Variants in ARHGEF28 observed in about 807,000 individuals in gnomAD.
The protein encoded by ARHGEF28 is 190 kDa guanine nucleotide exchange factor.
Under a neutral mutation model 206.6 loss-of-function variants are expected in ARHGEF28, and 152 were observed. The observed-to-expected ratio is 0.74, with a 90% confidence interval of 0.64 to 0.84. The LOEUF (loss-of-function observed/expected upper bound fraction) is 0.84, where lower values mean the gene tolerates loss of function less well. ARHGEF28 is among the 40% of genes least tolerant of loss of function. ARHGEF28 has a pLI of 0.00. For missense variants in ARHGEF28, 2,028 were observed against 2,073.2 expected, an observed-to-expected ratio of 0.98 and a Z score of 0.42; for synonymous variants, 763 against 776.4, an observed-to-expected ratio of 0.98 and a Z score of 0.29.
intron 6 of ARHGEF28, among the ~76,000 whole-genome samples, chr5:73,778,646 C>T (rs908203024): frequency 7.2e-5 from 11 of 152,148 alleles, no homozygotes; most frequent in African/African-American, 1.9e-4. Context: ...TTATGGCTTC[C>T]GAAGACCTTA....
At chr5:73,901,467 C>G in intron 31 of ARHGEF28, 183 bp downstream of exon 31, 1 of 478,462 alleles carries the variant, frequency 2.1e-6, no homozygotes, top group South Asian at 2.2e-5. Flanking sequence ...CTTGCACTGC[C>G]TGTGTCATGT....
intron 1 of ARHGEF28, among the ~76,000 whole-genome samples, chr5:73,669,809 C>A (rs1390925700): frequency 6.6e-6 from 1 of 152,176 alleles, no homozygotes; most frequent in Non-Finnish European, 1.5e-5. Flanking sequence ...GACTCAGCCT[C>A]CCGAGTAGCT....
rs375297750 is a variant in ARHGEF28 at position 73,774,030 on chromosome 5, C to T, written c.651C>T (p.Asp217=). Residue 217 remains aspartate (D), a synonymous_variant, in exon 5 of 36, where the codon GAC becomes GAT. Coordinates refer to ENST00000513042, the MANE Select transcript of ARHGEF28 (RefSeq NM_001177693.2). ...LREGHSKLVE[D]VTNFQGRWSP... The stretch of plus-strand genomic sequence containing the variant: ...AAGGACACTCCAAGCTGGTGGAAGA[C>T]GTCACAAAGTGAGTTTAGCTACTTG... 73 of 1,589,568 alleles carry T rather than the reference C, an allele frequency of 4.6e-5. No individual in the cohort carries two copies. The African/African-American group carries it at 5.0e-4, about 11-fold the overall frequency.
At chr5:73,692,994 G>A (rs770721687) in intron 2 of ARHGEF28, among the ~76,000 whole-genome samples, 9 of 152,158 alleles carry the variant, frequency 5.9e-5, no homozygotes, top group Non-Finnish European at 1.2e-4. Context: ...GGCATCTTGG[G>A]GACCTTTGCC....
rs1392018771 is a variant in ARHGEF28 at position 73,774,104 on chromosome 5, T to C, written c.659+66T>C. ...AAGTCGGCCAAGCATTATAGAAAAA[T>C]GGAAATAACCAAACCACAAGCTAAT... On this transcript the variant is annotated intron_variant, in intron 5 of 35. Transcript: ENST00000513042. 6.3e-6 allele frequency: 9 copies of C among 1,420,198 alleles called. No homozygotes were observed. In the Admixed American group the frequency reaches 2.3e-4, roughly 37 times the overall value. The allele number at this position is 1,420,198 out of a possible 1,614,324, so 88.0% of individuals were successfully genotyped here. A position where few individuals can be genotyped will look rare whatever the true frequency, so the allele number is the denominator to read the frequency against.
At chr5:73,767,649 G>A (rs909898470) in intron 4 of ARHGEF28, among the ~76,000 whole-genome samples, 2 of 152,090 alleles carry the variant, frequency 1.3e-5, no homozygotes, top group African/African-American at 4.8e-5. Context: ...GCTGTTAAAG[G>A]CATTCAGTTT....
chr5:73,774,867 T>C (rs1306841454), intron 5 of ARHGEF28, among the ~76,000 whole-genome samples: 1 of 152,254 alleles, frequency 6.6e-6, no homozygotes, highest in African/African-American at 2.4e-5. Flanking sequence ...GAGTAAATGC[T>C]ACATAAATAT....
Position 73,698,536 on chromosome 5 carries a change from C to T in ARHGEF28, c.33+13652C>T, listed in dbSNP as rs75821962. ...AGGGTCTTCCCTAAGCATTGAAAGA[C>T]GTCTTTGGGAGCCTTGAAGCTTCAT... On this transcript the variant is annotated intron_variant, in intron 2 of 35. Coordinates refer to ENST00000513042, the MANE Select transcript of ARHGEF28 (RefSeq NM_001177693.2). Among the ~76,000 whole-genome samples, 1,123 of 152,048 alleles carry T rather than the reference C, an allele frequency of 7.4e-3. 13 individuals are homozygous for T. Among genetic ancestry groups the T allele is most frequent in the African/African-American group, 0.026 (1,068 of 41,458 alleles).
intron 9 of ARHGEF28, among the ~76,000 whole-genome samples, chr5:73,825,994 G>C (rs1445335695): frequency 1.3e-5 from 2 of 152,176 alleles, no homozygotes; most frequent in African/African-American, 4.8e-5. Context: ...CAAGGGAAGA[G>C]TGGAGAGAGT....
chr5:73,649,510 T>A (rs957240724), intron 1 of ARHGEF28, among the ~76,000 whole-genome samples: 20 of 152,264 alleles, frequency 1.3e-4, no homozygotes, highest in African/African-American at 3.4e-4. Flanking sequence ...GTGGTTTGAC[T>A]GTCTTGTTCT....
intron 20 of ARHGEF28, among the ~76,000 whole-genome samples, 196 bp from the exon 21 acceptor site, chr5:73,869,873 A>T (rs969879997): frequency 6.6e-6 from 1 of 151,800 alleles, no homozygotes; most frequent in African/African-American, 2.4e-5. Context: ...GCGCCATTGC[A>T]CTCCAGCCTG....
intron 35 of ARHGEF28, among the ~76,000 whole-genome samples, chr5:73,925,396 C>T (rs1001910704): frequency 6.6e-6 from 1 of 152,246 alleles, no homozygotes; most frequent in Non-Finnish European, 1.5e-5. Flanking sequence ...CTTTTACTCT[C>T]AACCTGATGA....
At chr5:73,903,466 C>A (rs535758365) in intron 31 of ARHGEF28, 5 of 152,286 alleles carry the variant, frequency 3.3e-5, no homozygotes, top group Non-Finnish European at 7.4e-5. Flanking sequence ...AGAAGGCCGA[C>A]AATAAATGAA....
chr5:73,760,960 G>A (rs1204611987), intron 4 of ARHGEF28, among the ~76,000 whole-genome samples: 2 of 152,122 alleles, frequency 1.3e-5, no homozygotes, highest in Non-Finnish European at 2.9e-5. Context: ...AGAGAATTAC[G>A]CACTTACTCC....
At chr5:73,629,907 C>T (rs1743257523) in intron 1 of ARHGEF28, among the ~76,000 whole-genome samples, 1 of 152,204 alleles carries the variant, frequency 6.6e-6, no homozygotes, top group African/African-American at 2.4e-5. Context: ...AAGCGATGTT[C>T]TCTTAAGAGC....
chr5:73,681,245 T>C (rs924175786), intron 1 of ARHGEF28, among the ~76,000 whole-genome samples: 7 of 152,178 alleles, frequency 4.6e-5, no homozygotes, highest in African/African-American at 1.7e-4. Flanking sequence ...GATGACAAAT[T>C]GCTAATATCT....
At chr5:73,711,429 T>C (rs1459289839) in intron 2 of ARHGEF28, among the ~76,000 whole-genome samples, 1 of 152,170 alleles carries the variant, frequency 6.6e-6, no homozygotes, top group Admixed American at 6.5e-5. Context: ...ACTAAAATCT[T>C]AAAAATATTG....
At chr5:73,926,957 C>T (rs938197857) in intron 35 of ARHGEF28, among the ~76,000 whole-genome samples, 12 of 152,150 alleles carry the variant, frequency 7.9e-5, no homozygotes, top group African/African-American at 1.9e-4. Flanking sequence ...TCTTGATGGC[C>T]GATTCCATTA....
intron 5 of ARHGEF28, 71 bp downstream of exon 5, chr5:73,774,109 AT>A: frequency 7.2e-7 from 1 of 1,387,240 alleles, no homozygotes; most frequent in Non-Finnish European, 9.6e-7. Context: ...AAAAATGGAA[AT>A]AACCAAACCA....
Sources: allele counts gnomAD v4.1 joint callset (sites outside exome capture counted in the v4.1 genomes callset), GRCh38; gene constraint gnomAD v4.1.1; transcripts MANE v1.5; gene names NCBI Gene and HGNC (gene_info 2026-07-23, HGNC 2026-07-21).